The following NALCN variants were observed in gnomAD, a reference collection of about 807,000 sequenced individuals.
NALCN encodes sodium leak channel, non-selective.
NALCN carries 111 observed loss-of-function variants against 225.3 expected under a neutral mutation model. The ratio of observed to expected loss-of-function variants is 0.49; its 90% confidence interval spans 0.42 to 0.58. The LOEUF is 0.58. Among genes scored for constraint, NALCN ranks in the 20% least tolerant of loss-of-function variants. NALCN has a pLI of 0.00. For synonymous variants in NALCN, 764 were observed against 769.0 expected (o/e 0.99, Z 0.11); for missense variants, 1,378 against 2,202.4 (o/e 0.63, Z 7.49).
intron 12 of NALCN, 48 bp downstream of exon 12, chr13:101,237,707 C>A: frequency 7.6e-7 from 1 of 1,312,162 alleles, no homozygotes; most frequent in Non-Finnish European, 1.0e-6. Flanking sequence ...GGTATTTACT[C>A]TGGAAATAAA....
chr13:101,236,333 A>G (rs1181785780), intron 12 of NALCN, among the ~76,000 whole-genome samples: 2 of 152,188 alleles, frequency 1.3e-5, no homozygotes, highest in African/African-American at 4.8e-5. Flanking sequence ...AACTAGTTCA[A>G]CTCTTGTGGA....
intron 17 of NALCN, among the ~76,000 whole-genome samples, chr13:101,129,306 TA>T (rs1290065428): frequency 2.0e-5 from 3 of 152,228 alleles, no homozygotes; most frequent in Admixed American, 6.5e-5. Context: ...AATTACTATT[TA>T]AAAAATGTCA....
intron 10 of NALCN, among the ~76,000 whole-genome samples, chr13:101,269,979 CT>C (rs2042722004): frequency 6.6e-6 from 1 of 152,196 alleles, no homozygotes; most frequent in Non-Finnish European, 1.5e-5. Context: ...ATAATTTTCT[CT>C]CATGTTCCCT....
intron 13 of NALCN, among the ~76,000 whole-genome samples, chr13:101,223,341 G>A (rs879576250): frequency 5.3e-5 from 8 of 152,126 alleles, no homozygotes; most frequent in Non-Finnish European, 1.0e-4. Flanking sequence ...GGACAGGATT[G>A]GCAAATTGAT....
intron 15 of NALCN, among the ~76,000 whole-genome samples, chr13:101,169,140 T>C (rs771648343): frequency 6.6e-5 from 10 of 152,164 alleles, no homozygotes; most frequent in Non-Finnish European, 7.3e-5. Context: ...TCAGGAGTTA[T>C]TTTTGAGGGT....
intron 19 of NALCN, 121 bp downstream of exon 19, chr13:101,111,004 G>A (rs560690697): frequency 3.6e-5 from 34 of 948,126 alleles, no homozygotes; most frequent in African/African-American, 3.3e-4. Context: ...AATAGAACGC[G>A]ATTCCTCAGC....
In NALCN at chr13:101,104,969, A is replaced by G. The variant is rs1335560712; in HGVS notation, c.2580-19T>C. 1.2e-6 allele frequency: 2 copies of G among 1,608,292 alleles called. No individual in the cohort carries two copies. The highest frequency in any genetic ancestry group is 1.7e-6 in the Non-Finnish European group (2 of 1,176,168). On this transcript the variant is annotated intron_variant, in intron 22 of 43. Transcript: ENST00000251127. This position sits in a 1 kb window ranked among gnomAD's most constrained non-coding sequence, Gnocchi z 4.2. ...TTTAGATCTGTAAGAGAACACATAT[A>G]TAAAATTCTGCAACAAAGCAAGCAT...
rs77946954 is a variant in NALCN, at chr13:101,111,177, C to T, written c.2242G>A (p.Ala748Thr). 3.4e-4 allele frequency: 539 copies of T among 1,608,228 alleles called. No homozygotes were observed. Among genetic ancestry groups the T allele is most frequent in the Non-Finnish European group, 4.1e-4 (478 of 1,175,796 alleles). ...ACGCTGAGGATTGACCTCTCCTTTG[C>T]GGGCTGCCCCTCAAATGATCCGCTC... ...MLSGSFEGQP[A>T]KERSILSVQH... The change falls in exon 19 of 44, where the codon GCA becomes ACA. Residue 748 changes from alanine (A) to threonine (T), a missense_variant. Physicochemically the swap from Ala to Thr is moderately conservative, Grantham distance 58. Coordinates refer to ENST00000251127, the MANE Select transcript of NALCN (RefSeq NM_052867.4).
At chr13:101,197,947 T>C (rs960737966) in intron 13 of NALCN, among the ~76,000 whole-genome samples, 2 of 152,102 alleles carry the variant, frequency 1.3e-5, no homozygotes, top group Non-Finnish European at 2.9e-5. Flanking sequence ...AAAGAAAACA[T>C]ATTGAATAAA....
Position 101,089,762 on chromosome 13 carries a change from C to A in NALCN, c.3391-1G>T. ...AAACATGAATATAGATTCCATGGAT[C>A]TGCATAAAGGAAAATATGGTTATTC... On this transcript the variant is annotated splice_acceptor_variant, in intron 29 of 43. Transcript: ENST00000251127. LOFTEE classifies it high-confidence loss of function. This position sits in a 1 kb window ranked among gnomAD's most constrained non-coding sequence, Gnocchi z 4.7. The A allele has an allele frequency of 6.2e-7, 1 of 1,614,014 alleles. No homozygotes were observed. The highest frequency in any genetic ancestry group is 8.5e-7 in the Non-Finnish European group (1 of 1,179,916).
chr13:101,374,272 C>CTTTTTTT (rs869167949), intron 6 of NALCN, among the ~76,000 whole-genome samples: 2 of 119,928 alleles, frequency 1.7e-5, no homozygotes, highest in African/African-American at 6.4e-5. Context: ...AAATTTCTTT[C>CTTTTTTT]TTTTTTTTTT....
chr13:101,107,245 T>C (rs1279649877), intron 22 of NALCN, among the ~76,000 whole-genome samples: 1 of 152,228 alleles, frequency 6.6e-6, no homozygotes, highest in African/African-American at 2.4e-5. Context: ...ACTGTTAAAA[T>C]GCACAAACGA....
At chr13:101,246,118 C>T (rs974159708) in intron 11 of NALCN, among the ~76,000 whole-genome samples, 5 of 152,100 alleles carry the variant, frequency 3.3e-5, no homozygotes, top group Admixed American at 1.3e-4. Context: ...CTTTGCTGTG[C>T]GTTTTGTCCA....
At chr13:101,327,193 A>T (rs896869214) in intron 7 of NALCN, among the ~76,000 whole-genome samples, 6 of 152,184 alleles carry the variant, frequency 3.9e-5, no homozygotes, top group African/African-American at 1.4e-4. Context: ...AGAGAAAGTA[A>T]TCAGTGGGTT....
At chr13:101,379,309 G>A (rs1423849097) in intron 3 of NALCN, among the ~76,000 whole-genome samples, 6 of 152,224 alleles carry the variant, frequency 3.9e-5, no homozygotes, top group Admixed American at 6.5e-5. Context: ...ACAGTGTGGC[G>A]ATTCCTCAAG....
At chr13:101,207,954 C>T (rs560888413) in intron 13 of NALCN, among the ~76,000 whole-genome samples, 10 of 150,766 alleles carry the variant, frequency 6.6e-5, no homozygotes, top group East Asian at 2.0e-4. Context: ...AGCGAGACCA[C>T]GAACCCACCG....
chr13:101,396,054 C>T (rs990315279), intron 2 of NALCN, among the ~76,000 whole-genome samples: 1 of 152,108 alleles, frequency 6.6e-6, no homozygotes, highest in African/African-American at 2.4e-5. Context: ...TTGGAGAACA[C>T]ATTTTATACA....
chr13:101,055,160 G>C lies in NALCN; in HGVS notation c.*135C>G. 1.3e-6 allele frequency: 1 copy of C among 746,650 alleles called. No homozygotes were observed. The highest frequency in any genetic ancestry group is 2.1e-6 in the Non-Finnish European group (1 of 472,440). The allele number at this position is 746,650 out of a possible 1,614,324, so 46.3% of individuals were successfully genotyped here. On this transcript the variant is annotated 3_prime_UTR_variant, in exon 44 of 44. Transcript: ENST00000251127. Reference sequence around the variant, plus strand: ...AGCTTATGCCTTTCTGTGGCAGGATGAAAATCAATTTATAAACATCTTGTG... The same window carrying C: ...AGCTTATGCCTTTCTGTGGCAGGATCAAAATCAATTTATAAACATCTTGTG...
intron 14 of NALCN, among the ~76,000 whole-genome samples, chr13:101,176,601 AACTT>A (rs1425906077): frequency 6.6e-6 from 1 of 152,242 alleles, no homozygotes; most frequent in East Asian, 1.9e-4. Context: ...TTATGAAACC[AACTT>A]ACTTAAAAAG....
Sources: gnomAD v4.1 joint callset for allele counts (sites outside exome capture counted in the v4.1 genomes callset) on GRCh38, gnomAD v4.1.1 for gene constraint, Gnocchi (gnomAD v3.1) non-coding constraint, MANE v1.5 for transcripts, NCBI Gene and HGNC (gene_info 2026-07-23, HGNC 2026-07-21) for gene names.